MPPED2: variants seen among roughly 807,000 people sequenced by gnomAD.
The protein encoded by MPPED2 is metallophosphoesterase MPPED2.
A neutral mutation model predicts 33.0 loss-of-function variants in MPPED2; 5 were observed. The ratio of observed to expected loss-of-function variants is 0.15; its 90% CI spans 0.08 to 0.32. The LOEUF is 0.32. Among genes scored for constraint, MPPED2 ranks in the 10% least tolerant of loss-of-function variants. MPPED2 has a pLI of 1.00. For missense variants in MPPED2, 275 were observed against 372.1 expected (o/e 0.74, Z 2.15); for synonymous variants, 136 against 141.9 (o/e 0.96, Z 0.29).
chr11:30,387,380 C>T (rs1241603994), exon 7 of MPPED2: 1 of 152,202 alleles, frequency 6.6e-6, no homozygotes, highest in Non-Finnish European at 1.5e-5. Flanking sequence ...TTCCCAGTCC[C>T]CCATATTCCT....
chr11:30,532,599 A>G (rs1025673191), intron 3 of MPPED2, among the ~76,000 whole-genome samples: 3 of 152,214 alleles, frequency 2.0e-5, no homozygotes, highest in African/African-American at 7.2e-5. Flanking sequence ...CGTAAGGTGT[A>G]TTATCATTAT....
At chr11:30,494,361 C>A (rs746239459) in intron 4 of MPPED2, among the ~76,000 whole-genome samples, 19 of 152,114 alleles carry the variant, frequency 1.2e-4, no homozygotes, top group Non-Finnish European at 2.2e-4. Context: ...ATACACCCAG[C>A]CCCAGTAACA....
intron 4 of MPPED2, among the ~76,000 whole-genome samples, chr11:30,421,259 T>A (rs1948598782): frequency 6.6e-6 from 1 of 152,148 alleles, no homozygotes; most frequent in African/African-American, 2.4e-5. Flanking sequence ...CCCACAGCCA[T>A]ATTCCCCCAG....
intron 4 of MPPED2, among the ~76,000 whole-genome samples, chr11:30,445,526 C>T (rs1590296211): frequency 6.6e-6 from 1 of 152,188 alleles, no homozygotes; most frequent in Admixed American, 6.5e-5. Context: ...ATTAAGTATA[C>T]TCACATTATT....
Position 30,501,487 on chromosome 11 carries a change from T to C in MPPED2, c.311-5966A>G, listed in dbSNP as rs529789754. 17 of 220,642 alleles carry C rather than the reference T, an allele frequency of 7.7e-5. No individual in the cohort carries two copies. The Admixed American group carries it at 9.8e-4, about 13-fold the overall frequency. The allele number at this position is 220,642 out of a possible 1,614,324, so 13.7% of individuals were successfully genotyped here. On this transcript the variant is annotated intron_variant, in intron 3 of 6. Coordinates refer to ENST00000358117, the MANE Select transcript of MPPED2 (RefSeq NM_001584.3). ...TTGAGATAATCCTAACCTCGCACAATGTATTCCCTTAACACACAACTTTTT... is the reference window on the plus strand; with the variant it reads ...TTGAGATAATCCTAACCTCGCACAACGTATTCCCTTAACACACAACTTTTT...
intron 3 of MPPED2, among the ~76,000 whole-genome samples, chr11:30,517,528 C>G (rs1953600875): frequency 6.6e-6 from 1 of 152,136 alleles, no homozygotes; most frequent in Admixed American, 6.5e-5. Context: ...ATTTGATGAA[C>G]CAATCACACT....
chr11:30,443,806 C>T (rs1949686983), intron 4 of MPPED2, among the ~76,000 whole-genome samples: 1 of 152,180 alleles, frequency 6.6e-6, no homozygotes, highest in South Asian at 2.1e-4. Context: ...ACAGTTCTCA[C>T]CATACGAATG....
intron 4 of MPPED2, among the ~76,000 whole-genome samples, chr11:30,445,514 G>T (rs1949764220): frequency 6.6e-6 from 1 of 152,018 alleles, no homozygotes; most frequent in African/African-American, 2.4e-5. Context: ...TAGTTCAGTG[G>T]CATTAAGTAT....
At chr11:30,404,449 A>T (rs1040620237) in intron 6 of MPPED2, among the ~76,000 whole-genome samples, 6 of 152,206 alleles carry the variant, frequency 3.9e-5, no homozygotes, top group African/African-American at 1.4e-4. Flanking sequence ...CAGCTACGTG[A>T]CACACTTGGA....
chr11:30,546,957 TCA>T (rs563386170), intron 2 of MPPED2, among the ~76,000 whole-genome samples: 85 of 152,170 alleles, frequency 5.6e-4, no homozygotes, highest in Non-Finnish European at 1.1e-3. Flanking sequence ...GCCACAAAAC[TCA>T]CATAGTTCCC....
chr11:30,574,870 T>C (rs1280383983), intron 2 of MPPED2, among the ~76,000 whole-genome samples: 1 of 152,184 alleles, frequency 6.6e-6, no homozygotes, highest in Non-Finnish European at 1.5e-5. Context: ...AAGGTCCTTA[T>C]CCAACACTCC....
intron 3 of MPPED2, among the ~76,000 whole-genome samples, chr11:30,497,611 C>T (rs1038672892): frequency 4.6e-4 from 70 of 152,236 alleles, no homozygotes; most frequent in African/African-American, 1.7e-3. Context: ...AATTTATCCT[C>T]GTTTTAGGGC....
At chr11:30,394,376 T>C (rs1947815000) in intron 6 of MPPED2, among the ~76,000 whole-genome samples, 1 of 152,206 alleles carries the variant, frequency 6.6e-6, no homozygotes, top group Admixed American at 6.5e-5. Context: ...CTACCATTTT[T>C]CATTTCTATA....
exon 7 of MPPED2, chr11:30,385,259 A>G (rs970119633): frequency 5.9e-5 from 9 of 152,250 alleles, no homozygotes; most frequent in African/African-American, 2.2e-4. Context: ...GTTTAGGTGA[A>G]GCAAAACCCC....
chr11:30,394,824 C>T (rs1007268562), intron 6 of MPPED2, among the ~76,000 whole-genome samples: 13 of 152,188 alleles, frequency 8.5e-5, no homozygotes, highest in Middle Eastern at 3.4e-3. Context: ...AGAACTCTAC[C>T]TCATTCCAAG....
intron 4 of MPPED2, among the ~76,000 whole-genome samples, chr11:30,428,586 T>C (rs1291867318): frequency 6.6e-6 from 1 of 152,222 alleles, no homozygotes; most frequent in East Asian, 1.9e-4. Flanking sequence ...TAAGTTGGCA[T>C]GAACCAGAAC....
intron 4 of MPPED2, chr11:30,468,896 T>G (rs1408173449): frequency 1.3e-5 from 2 of 152,142 alleles, no homozygotes; most frequent in African/African-American, 4.8e-5. Flanking sequence ...CCATGCAGAC[T>G]TAACAGCAAG....
rs1241202202 is a variant in MPPED2, at chr11:30,411,137, C to A, written c.*331G>T. On this transcript the variant is annotated 3_prime_UTR_variant, in exon 7 of 7. Coordinates refer to ENST00000358117, the MANE Select transcript of MPPED2 (RefSeq NM_001584.3). Reference sequence around the variant, plus strand: ...CACTGCCTGTTTCTTATTTTTTTTTCTTTCAGCTTAAAGCATATTAAAATA... The same window carrying A: ...CACTGCCTGTTTCTTATTTTTTTTTATTTCAGCTTAAAGCATATTAAAATA... 9.0e-6 allele frequency: 9 copies of A among 996,362 alleles called. No individual in the cohort carries two copies. Among genetic ancestry groups the A allele is most frequent in the Non-Finnish European group, 1.1e-5 (9 of 837,222 alleles). 61.7% of individuals were successfully genotyped at this position (996,362 alleles called of 1,614,324 possible). A position where few individuals can be genotyped will look rare whatever the true frequency, so the allele number is the denominator to read the frequency against.
chr11:30,567,899 TCCTTCCCTC>T (rs1956515752), intron 2 of MPPED2, among the ~76,000 whole-genome samples: 1 of 152,178 alleles, frequency 6.6e-6, no homozygotes, highest in Admixed American at 6.5e-5. Flanking sequence ...AGAGACTCAA[TCCTTCCCTC>T]CCTGTGTCTC....
Sources: gnomAD v4.1 joint callset for allele counts (sites outside exome capture counted in the v4.1 genomes callset) on GRCh38, gnomAD v4.1.1 for gene constraint, MANE v1.5 for transcripts, NCBI Gene and HGNC (gene_info 2026-07-23, HGNC 2026-07-21) for gene names.